Variants in PPAT observed in about 807,000 individuals in gnomAD.
PPAT encodes phosphoribosyl pyrophosphate amidotransferase, also known as amidophosphoribosyltransferase.
Under a neutral mutation model 60.2 loss-of-function variants are expected in PPAT, and 20 were observed. The observed-to-expected ratio is 0.33, with a 90% CI of 0.23 to 0.48. The LOEUF (loss-of-function observed/expected upper bound fraction) is 0.48, where lower values mean the gene tolerates loss of function less well. Among genes scored for constraint, PPAT ranks in the 20% least tolerant of loss-of-function variants. The probability of loss-of-function intolerance (pLI) is 0.99; values close to 1 mark genes in which losing one functional copy is unlikely to be tolerated. For missense variants in PPAT, 349 were observed against 629.6 expected (o/e 0.55, Z 4.77); for synonymous variants, 194 against 215.1 (o/e 0.90, Z 0.86).
chr4:56,428,225 A>G (rs1008879886), intron 1 of PPAT, among the ~76,000 whole-genome samples: 2 of 152,382 alleles, frequency 1.3e-5, no homozygotes, highest in Middle Eastern at 6.8e-3. Flanking sequence ...TTGAATAATT[A>G]TAAATCATGT....
At chr4:56,428,976 T>C (rs1158560253) in intron 1 of PPAT, 2 of 980,370 alleles carry the variant, frequency 2.0e-6, no homozygotes, top group East Asian at 2.3e-4. Flanking sequence ...CAAGGAACTT[T>C]GAGCTTCAAG....
chr4:56,400,666 T>A (rs1053586685), intron 8 of PPAT, 118 bp downstream of exon 8: 20 of 1,149,138 alleles, frequency 1.7e-5, no homozygotes, highest in Non-Finnish European at 2.2e-5. Flanking sequence ...CAAACCAACA[T>A]TAACCACCAA....
At chr4:56,423,201 T>C (rs528807682) in intron 1 of PPAT, 1 of 152,386 alleles carries the variant, frequency 6.6e-6, no homozygotes, top group Admixed American at 6.5e-5. Flanking sequence ...AGCTCAATGT[T>C]AATTTAACAA....
intron 1 of PPAT, among the ~76,000 whole-genome samples, chr4:56,430,275 T>C (rs970099258): frequency 2.0e-5 from 3 of 152,200 alleles, no homozygotes; most frequent in Non-Finnish European, 4.4e-5. Context: ...TCATAGGGCA[T>C]GCATATATCC....
At chr4:56,435,276 G>A (rs867835233) in intron 1 of PPAT, 74 bp downstream of exon 1, 7 of 1,595,482 alleles carry the variant, frequency 4.4e-6, no homozygotes, top group African/African-American at 2.7e-5. Flanking sequence ...GGGCGCTCAT[G>A]AGAACGCCGA....
intron 1 of PPAT, among the ~76,000 whole-genome samples, chr4:56,427,130 G>C (rs376155789): frequency 1.3e-4 from 19 of 151,936 alleles, no homozygotes; most frequent in Non-Finnish European, 1.2e-4. Flanking sequence ...TTCATCCATC[G>C]ATGGTTATCT....
At chr4:56,423,659 G>GTT (rs199743305) in intron 1 of PPAT, among the ~76,000 whole-genome samples, 42 of 147,390 alleles carry the variant, frequency 2.8e-4, no homozygotes, top group East Asian at 7.9e-4. Context: ...AAAAGTACAA[G>GTT]TTTTTTTTTT....
At chr4:56,408,191 A>C (rs970516278) in intron 1 of PPAT, 1 of 154,148 alleles carries the variant, frequency 6.5e-6, no homozygotes, top group Non-Finnish European at 1.4e-5. Flanking sequence ...TAATCCCAGC[A>C]CTTTGGGAGG....
chr4:56,403,493 C>A, intron 3 of PPAT, 92 bp from the exon 4 acceptor site: 1 of 877,478 alleles, frequency 1.1e-6, no homozygotes, highest in Non-Finnish European at 1.7e-6. Context: ...ATAAGGCATT[C>A]TGTGGATGTC....
chr4:56,425,525 T>C, intron 1 of PPAT: 3 of 211,482 alleles, frequency 1.4e-5, no homozygotes, highest in Non-Finnish European at 2.5e-5. Flanking sequence ...ATTTGTACTG[T>C]TGGTAATATT....
intron 1 of PPAT, among the ~76,000 whole-genome samples, chr4:56,435,042 C>T (rs1426367233): frequency 6.6e-6 from 1 of 152,206 alleles, no homozygotes; most frequent in Non-Finnish European, 1.5e-5. Flanking sequence ...CCCAGCTAGA[C>T]CAAGCAAACC....
At chr4:56,408,919 T>C (rs897256686) in intron 1 of PPAT, among the ~76,000 whole-genome samples, 12 of 152,088 alleles carry the variant, frequency 7.9e-5, no homozygotes, top group Admixed American at 7.9e-4. Context: ...CGCGCTAACC[T>C]TGTATAAAAA....
intron 1 of PPAT, among the ~76,000 whole-genome samples, chr4:56,430,784 A>C (rs529587828): frequency 6.6e-6 from 1 of 151,930 alleles, no homozygotes; most frequent in East Asian, 2.0e-4. Context: ...CTTACAATAT[A>C]TAAGTCTAGG....
At chr4:56,398,063 T>A (rs903797859) in intron 9 of PPAT, among the ~76,000 whole-genome samples, 5 of 151,720 alleles carry the variant, frequency 3.3e-5, no homozygotes, top group African/African-American at 1.2e-4. Context: ...AAAAAAGGCA[T>A]AAAGTGATAT....
intron 3 of PPAT, among the ~76,000 whole-genome samples, chr4:56,406,016 T>C (rs1287503989): frequency 1.3e-5 from 2 of 152,142 alleles, no homozygotes; most frequent in Admixed American, 1.3e-4. Context: ...CCAGGTACTA[T>C]CAGAATACAA....
At chr4:56,427,592 A>C (rs1717354512) in intron 1 of PPAT, among the ~76,000 whole-genome samples, 1 of 151,050 alleles carries the variant, frequency 6.6e-6, no homozygotes, top group Non-Finnish European at 1.5e-5. Flanking sequence ...GGATCGCTTG[A>C]GCTCAGGAGG....
Position 56,435,552 on chromosome 4 carries a change from C to T in PPAT, c.-75G>A. Reference sequence around the variant, plus strand: ...AGCACCAACCAGCTGCCAGCTCGGCCCGTCGAGCTCAGAAGCTCGCGCTCG... The same window carrying T: ...AGCACCAACCAGCTGCCAGCTCGGCTCGTCGAGCTCAGAAGCTCGCGCTCG... On this transcript the variant is annotated 5_prime_UTR_variant, in exon 1 of 11. Coordinates refer to ENST00000264220, the MANE Select transcript of PPAT (RefSeq NM_002703.5). 1 of 1,605,586 alleles carries T rather than the reference C, an allele frequency of 6.2e-7. No individual in the cohort carries two copies. Among genetic ancestry groups the T allele is most frequent in the East Asian group, 2.2e-5 (1 of 44,814 alleles).
At chr4:56,431,979 A>T (rs1377096066) in intron 1 of PPAT, among the ~76,000 whole-genome samples, 2 of 152,224 alleles carry the variant, frequency 1.3e-5, no homozygotes, top group African/African-American at 4.8e-5. Flanking sequence ...CTACGGAATA[A>T]ATCTGAAGAC....
intron 3 of PPAT, among the ~76,000 whole-genome samples, chr4:56,404,695 A>G (rs1035885527): frequency 6.6e-6 from 1 of 152,216 alleles, no homozygotes; most frequent in African/African-American, 2.4e-5. Flanking sequence ...GAATTTTTAA[A>G]TGAACTATGT....
Sources: gnomAD v4.1 joint callset for allele counts (sites outside exome capture counted in the v4.1 genomes callset) on GRCh38, gnomAD v4.1.1 for gene constraint, MANE v1.5 for transcripts, NCBI Gene and HGNC (gene_info 2026-07-23, HGNC 2026-07-21) for gene names.